The following CCNA2 variants were observed in gnomAD, a reference collection of about 807,000 sequenced individuals.
CCNA2 encodes cyclin A2, also known as cyclin-A2.
A neutral mutation model predicts 49.4 loss-of-function variants in CCNA2; 3 were observed. The ratio of observed to expected loss-of-function variants is 0.06; its 90% CI spans 0.03 to 0.16. The LOEUF is 0.16. Ranked by LOEUF, CCNA2 falls within the 10% of genes least tolerant of loss-of-function variation. The pLI is 1.00. For missense variants in CCNA2, 372 were observed against 519.7 expected (o/e 0.72, Z 2.76); for synonymous variants, 206 against 197.2 (o/e 1.04, Z -0.37).
intron 1 of CCNA2, among the ~76,000 whole-genome samples, chr4:121,823,052 C>T (rs2149043487): frequency 6.6e-6 from 1 of 152,328 alleles, no homozygotes; most frequent in African/African-American, 2.4e-5. Flanking sequence ...GAGGTCATCT[C>T]TTAAGCGTGA....
In CCNA2 at chr4:121,820,693, C is replaced by T. The variant is rs867219986; in HGVS notation, c.643G>A (p.Val215Met). The change falls in exon 4 of 8, where the codon GTG becomes ATG. Residue 215 changes from valine to methionine, a missense_variant. Transcript: ENST00000274026. The surrounding 1 kb of genome is among the most constrained non-coding windows in gnomAD (Gnocchi z 4.1). ...TCTCCTACTTCAACTAACCAGTCCACGAGGATAGCTCTCATACTGTTAGTG... is the reference window on the plus strand; with the variant it reads ...TCTCCTACTTCAACTAACCAGTCCATGAGGATAGCTCTCATACTGTTAGTG... The part of the protein sequence containing the change: ...DITNSMRAIL[V>M]DWLVEVGEEY... 9.3e-6 allele frequency: 15 copies of T among 1,613,828 alleles called. No homozygotes were observed. Among genetic ancestry groups the T allele is most frequent in the Middle Eastern group, 1.6e-4 (1 of 6,084 alleles).
In CCNA2 at chr4:121,823,843, G is replaced by C; in HGVS notation, c.-215C>G. ...GGCGCAGGCAGGCACTGCCCAGCGT[G>C]GCGAGCCAAAGACGCCCAGAGATGC... is the stretch of plus-strand genomic sequence containing the variant. On this transcript the variant is annotated 5_prime_UTR_variant, in exon 1 of 8. Coordinates refer to ENST00000274026, the MANE Select transcript of CCNA2 (RefSeq NM_001237.5). 3 of 859,612 alleles carry C rather than the reference G, an allele frequency of 3.5e-6. No homozygotes were observed. The highest frequency in any genetic ancestry group is 3.5e-5 in the Admixed American group (1 of 28,736). 53.2% of individuals were successfully genotyped at this position (859,612 alleles called of 1,614,324 possible).
chr4:121,818,404 C>A (rs964354086), intron 6 of CCNA2, among the ~76,000 whole-genome samples: 3 of 152,190 alleles, frequency 2.0e-5, no homozygotes, highest in Non-Finnish European at 4.4e-5. Flanking sequence ...ATCCAAGTTA[C>A]AACTAAGCTT....
In CCNA2 at chr4:121,820,800, T is replaced by C; in HGVS notation, c.571-35A>G. ...AAATTATTTATAGTGTTAAAATTAT[T>C]CTAGTGTAAAAACTGCAATTAGATT... On this transcript the variant is annotated intron_variant, in intron 3 of 7. Coordinates refer to ENST00000274026, the MANE Select transcript of CCNA2 (RefSeq NM_001237.5). This position sits in a 1 kb window ranked among gnomAD's most constrained non-coding sequence, Gnocchi z 4.1. 1 of 1,472,106 alleles carries C rather than the reference T, an allele frequency of 6.8e-7. No individual in the cohort carries two copies. The highest frequency in any genetic ancestry group is 1.4e-5 in the African/African-American group (1 of 71,424). The allele number at this position is 1,472,106 out of a possible 1,614,324, so 91.2% of individuals were successfully genotyped here. A position where few individuals can be genotyped will look rare whatever the true frequency, so the allele number is the denominator to read the frequency against.
At chr4:121,817,765 T>C in intron 7 of CCNA2, 79 bp from the exon 8 acceptor site, 1 of 1,576,454 alleles carries the variant, frequency 6.3e-7, no homozygotes, top group East Asian at 2.2e-5. Context: ...TTTGTACTCA[T>C]GTATTGGGAA....
intron 5 of CCNA2, 92 bp downstream of exon 5, chr4:121,819,280 A>G: frequency 1.1e-6 from 1 of 907,794 alleles, no homozygotes; most frequent in Non-Finnish European, 1.8e-6. Flanking sequence ...CCACTGCTGT[A>G]CAAAGGAACT....
chr4:121,820,456 A>T lies in CCNA2; in HGVS notation c.794+86T>A. 9 of 897,576 alleles carry T rather than the reference A, an allele frequency of 1.0e-5. No homozygotes were observed. Among genetic ancestry groups the T allele is most frequent in the Non-Finnish European group, 1.4e-5 (8 of 569,368 alleles). The allele number at this position is 897,576 out of a possible 1,614,324, so 55.6% of individuals were successfully genotyped here. ...AGTAGTCACTGACTCTGCCTGGTGT[A>T]TGTTAAAAGGTCACCATTAAAAAAA... On this transcript the variant is annotated intron_variant, in intron 4 of 7. Coordinates refer to ENST00000274026, the MANE Select transcript of CCNA2 (RefSeq NM_001237.5). This position sits in a 1 kb window ranked among gnomAD's most constrained non-coding sequence, Gnocchi z 4.1.
intron 7 of CCNA2, 103 bp from the exon 8 acceptor site, chr4:121,817,789 T>C: frequency 6.7e-7 from 1 of 1,497,268 alleles, no homozygotes; most frequent in Admixed American, 1.8e-5. Flanking sequence ...AAAAATGCTA[T>C]TTCTGTCTGA....
In CCNA2 at chr4:121,823,511, G is replaced by T; in HGVS notation, c.118C>A (p.Pro40Thr). 4 of 1,613,264 alleles carry T rather than the reference G, an allele frequency of 2.5e-6. No homozygotes were observed. The highest frequency in any genetic ancestry group is 3.4e-6 in the Non-Finnish European group (4 of 1,179,774). ...GCCCGGGTCCGCGGTTGTTGGACGG[G>T]CGCTGCCTTTTCCGGGTTGATATTC... Reference protein sequence around the residue: ...QENINPEKAAPVQQPRTRAAL... With the variant: ...QENINPEKAATVQQPRTRAAL... Residue 40 changes from proline to threonine, a missense_variant, in exon 1 of 8, where the codon CCC becomes ACC. By Grantham distance (38) the Pro-to-Thr change is conservative. This residue lies in a region of CCNA2 where 217 missense variants were observed against 231.7 expected (regional missense o/e 0.94). Coordinates refer to ENST00000274026, the MANE Select transcript of CCNA2 (RefSeq NM_001237.5).
At position 121,820,517 on chromosome 4, in the gene CCNA2, T is replaced by C. The variant is rs1724666719; in HGVS notation, c.794+25A>G. ...CCCTAGACAAAAGGTCGTGATCACT[T>C]TTAAACAAACCAAGGTAGACTTACG... On this transcript the variant is annotated intron_variant, in intron 4 of 7. Transcript: ENST00000274026. This position sits in a 1 kb window ranked among gnomAD's most constrained non-coding sequence, Gnocchi z 4.1. 2 of 1,568,684 alleles carry C rather than the reference T, an allele frequency of 1.3e-6. No homozygotes were observed. The highest frequency in any genetic ancestry group is 2.7e-5 in the African/African-American group (2 of 73,548).
In CCNA2 at chr4:121,822,567, G is replaced by C; in HGVS notation, c.293C>G (p.Ala98Gly). Residue 98 changes from alanine (A) to glycine (G), a missense_variant, in exon 2 of 8, where the codon GCG becomes GGG. This residue lies in a region of CCNA2 where 217 missense variants were observed against 231.7 expected (regional missense o/e 0.94). Transcript: ENST00000274026. ...PPWKANSKQP[A>G]FTIHVDEAEK... is the part of the protein sequence containing the mutation. ...TGCTTCATCCACATGAATGGTGAACGCAGGCTGTTTACTGTTTGCTTTCCA... is the reference window on the plus strand; with the variant it reads ...TGCTTCATCCACATGAATGGTGAACCCAGGCTGTTTACTGTTTGCTTTCCA... The C allele has an allele frequency of 6.2e-7, 1 of 1,614,050 alleles. No homozygotes were observed. The highest frequency in any genetic ancestry group is 8.5e-7 in the Non-Finnish European group (1 of 1,179,996).
chr4:121,822,525 T>C lies in CCNA2; in HGVS notation c.335A>G (p.Lys112Arg). The C allele has an allele frequency of 2.5e-6, 4 of 1,614,188 alleles. No homozygotes were observed. The highest frequency in any genetic ancestry group is 3.4e-6 in the Non-Finnish European group (4 of 1,180,042). Residue 112 changes from lysine to arginine, a missense_variant, in exon 2 of 8, where the codon AAG (lysine) becomes AGG (arginine). Physicochemically the swap from Lys to Arg is conservative, Grantham distance 26. Transcript: ENST00000274026. ...HVDEAEKEAQ[K>R]KPAESQKIER... is the part of the protein sequence containing the mutation. ...TATTTTTTGAGATTCAGCTGGCTTCTTCTGAGCTTCTTTTTCTGCTTCATC... is the reference window on the plus strand; with the variant it reads ...TATTTTTTGAGATTCAGCTGGCTTCCTCTGAGCTTCTTTTTCTGCTTCATC...
In CCNA2 at chr4:121,816,600, T is replaced by G. The variant is rs1001616976; in HGVS notation, c.*1038A>C. ...CCATCTGTTCTGTGATTTTTTTACC[T>G]TGTGATTTATAAAAATTAGGACCTA... On this transcript the variant is annotated 3_prime_UTR_variant, in exon 8 of 8. Coordinates refer to ENST00000274026, the MANE Select transcript of CCNA2 (RefSeq NM_001237.5). 6.4e-5 allele frequency: 53 copies of G among 824,838 alleles called. No homozygotes were observed. The African/African-American group carries it at 6.6e-4, about 10-fold the overall frequency. 51.1% of individuals were successfully genotyped at this position (824,838 alleles called of 1,614,324 possible). A position where few individuals can be genotyped will look rare whatever the true frequency, so the allele number is the denominator to read the frequency against.
chr4:121,817,646 T>A lies in CCNA2; in HGVS notation c.1291A>T (p.Asn431Tyr), dbSNP rs199524406. 198 of 1,614,014 alleles carry A rather than the reference T, an allele frequency of 1.2e-4. No individual in the cohort carries two copies. The highest frequency in any genetic ancestry group is 1.6e-4 in the Non-Finnish European group (187 of 1,179,930). The change falls in exon 8 of 8, where the codon AAT (asparagine) becomes TAT (tyrosine). Residue 431 changes from asparagine to tyrosine, a missense_variant. Coordinates refer to ENST00000274026, the MANE Select transcript of CCNA2 (RefSeq NM_001237.5). ...AAGGCAGTCTTTCATTGTTACAGAT[T>A]TAGTGTCTCTGGTGGGTTGAGGAGA... ...VSLLNPPETL[N>Y]L
rs1430025392 is a variant in CCNA2, at chr4:121,818,815, G to T, written c.1101C>A (p.Val367=). The change falls in exon 6 of 8, where the codon GTC becomes GTA. Residue 367 remains valine, a synonymous_variant. Coordinates refer to ENST00000274026, the MANE Select transcript of CCNA2 (RefSeq NM_001237.5). ...GAAFHLALYT[V]TGQSWPESLI... ...TAATACATACCCAGCTTTGTCCCGT[G>T]ACTGTGTAGAGTGCTAAATGAAAGG... The T allele has an allele frequency of 6.2e-7, 1 of 1,609,188 alleles. No individual in the cohort carries two copies. Among genetic ancestry groups the T allele is most frequent in the Non-Finnish European group, 8.5e-7 (1 of 1,175,660 alleles).
Position 121,820,961 on chromosome 4 carries a change from G to A in CCNA2, c.570+18C>T, listed in dbSNP as rs1578513784. ...TTTAACAAATACATTATACAAACTG[G>A]ATTCAGAGAACCTTTACCTCCATTT... is the stretch of plus-strand genomic sequence containing the variant. On this transcript the variant is annotated intron_variant, in intron 3 of 7. Transcript: ENST00000274026. This position sits in a 1 kb window ranked among gnomAD's most constrained non-coding sequence, Gnocchi z 4.1. 2 of 1,585,942 alleles carry A rather than the reference G, an allele frequency of 1.3e-6. No homozygotes were observed. Among genetic ancestry groups the A allele is most frequent in the Non-Finnish European group, 1.7e-6 (2 of 1,157,016 alleles).
At chr4:121,818,004 A>C in intron 7 of CCNA2, 40 bp downstream of exon 7, 1 of 1,566,950 alleles carries the variant, frequency 6.4e-7, no homozygotes, top group Non-Finnish European at 8.8e-7. Flanking sequence ...CTGAACCATA[A>C]TCTAGAAAAG....
chr4:121,818,328 G>A (rs3217771), intron 6 of CCNA2, 151 bp from the exon 7 acceptor site: 206,174 of 704,630 alleles, frequency 0.29, 32,623 homozygotes, highest in South Asian at 0.31. Context: ...TCCATCCCTC[G>A]ATCCATTTTC....
Position 121,822,640 on chromosome 4 carries a change from G to A in CCNA2, c.220C>T (p.Pro74Ser), listed in dbSNP as rs373976698. The change falls in exon 2 of 8, where the codon CCC becomes TCC. Residue 74 changes from proline (P) to serine (S), a missense_variant. Transcript: ENST00000274026. ...TCATTTACAGGAAGATCCTTAAGGG[G>A]TGCAACCTAAAAAAAAATTAATAAC... ...QQRPKTRRVAPLKDLPVNDEH... is the reference protein window; with the variant it reads ...QQRPKTRRVASLKDLPVNDEH... 1.2e-6 allele frequency: 2 copies of A among 1,611,258 alleles called. No individual in the cohort carries two copies. The highest frequency in any genetic ancestry group is 1.3e-5 in the African/African-American group (1 of 74,596).
Sources: gnomAD v4.1 joint callset for allele counts (sites outside exome capture counted in the v4.1 genomes callset) on GRCh38, gnomAD v4.1.1 for gene constraint, gnomAD v4.1.1 regional missense constraint, Gnocchi (gnomAD v3.1) non-coding constraint, MANE v1.5 for transcripts, NCBI Gene and HGNC (gene_info 2026-07-23, HGNC 2026-07-21) for gene names.